Variants in ZNF487 observed in about 807,000 individuals in gnomAD.
ZNF487 encodes the protein zinc finger protein 487, also known as KRAB domain only 1.
A neutral mutation model predicts 3.0 loss-of-function variants in ZNF487; 4 were observed. That is an observed-to-expected ratio of 1.35 (90% CI 0.66 to 3.08). The LOEUF is 3.08. ZNF487 is among the 30% of genes most tolerant of loss of function. The pLI, the probability that ZNF487 is intolerant of heterozygous loss-of-function variation, is 0.01. For missense variants in ZNF487, 146 were observed against 98.7 expected, an observed-to-expected ratio of 1.48 and a Z score of -2.03; for synonymous variants, 55 against 34.6, an observed-to-expected ratio of 1.59 and a Z score of -2.06.
intron 3 of ZNF487, among the ~76,000 whole-genome samples, chr10:43,480,367 A>G (rs1188963415): frequency 1.3e-5 from 2 of 150,062 alleles, no homozygotes; most frequent in Non-Finnish European, 3.0e-5. Context: ...CAGCCTCCCA[A>G]AGTGCTGGGA....
At chr10:43,480,682 C>T (rs1391713017) in intron 3 of ZNF487, among the ~76,000 whole-genome samples, 2 of 150,984 alleles carry the variant, frequency 1.3e-5, no homozygotes, top group Non-Finnish European at 2.9e-5. Context: ...TTCCAAAGTG[C>T]TGGGATTACA....
At chr10:43,477,988 A>G (rs2132142903) in intron 3 of ZNF487, among the ~76,000 whole-genome samples, 1 of 152,182 alleles carries the variant, frequency 6.6e-6, no homozygotes, top group African/African-American at 2.4e-5. Context: ...GGGGAAAGGC[A>G]GGTAAAAATT....
At chr10:43,513,704 A>C in the ZNF487 span, among the ~76,000 whole-genome samples, 2 of 152,196 alleles carry the variant, frequency 1.3e-5, no homozygotes, top group Admixed American at 1.3e-4. Context: ...GCTGCTAAGT[A>C]TGTCTATGCC....
chr10:43,453,547 G>A (rs542712835), intron 1 of ZNF487: 1 of 152,142 alleles, frequency 6.6e-6, no homozygotes, highest in Non-Finnish European at 1.5e-5. Flanking sequence ...ATGGAGTTAT[G>A]GGGGGAGAGT....
downstream of ZNF487, among the ~76,000 whole-genome samples, chr10:43,484,404 C>T (rs894820653): frequency 2.0e-5 from 3 of 151,564 alleles, no homozygotes; most frequent in African/African-American, 7.3e-5. Context: ...GTCAGGAGTT[C>T]GAGACCAGCC....
chr10:43,479,588 A>G (rs1410293237), intron 3 of ZNF487, among the ~76,000 whole-genome samples: 4 of 152,286 alleles, frequency 2.6e-5, no homozygotes, highest in East Asian at 1.9e-4. Flanking sequence ...ACAAAAATAT[A>G]AAAGAAGCCT....
At chr10:43,442,576 T>A (rs1292243743) in intron 1 of ZNF487, among the ~76,000 whole-genome samples, 1 of 152,144 alleles carries the variant, frequency 6.6e-6, no homozygotes, top group East Asian at 1.9e-4. Context: ...CCTGAGTAGC[T>A]GGGACTACAG....
chr10:43,495,578 C>T, the ZNF487 span, among the ~76,000 whole-genome samples: 3 of 152,084 alleles, frequency 2.0e-5, no homozygotes, highest in African/African-American at 4.8e-5. Flanking sequence ...GGACTCAATG[C>T]GTTAATTTCT....
In ZNF487 at chr10:43,468,902, T is replaced by C. The variant is rs547610054; in HGVS notation, c.-93-6819T>C. Among the ~76,000 whole-genome samples, 55 of 135,952 alleles carry C rather than the reference T, an allele frequency of 4.0e-4. No homozygotes were observed. In the East Asian group the frequency reaches 0.012, roughly 29 times the overall value. 89.2% of individuals were successfully genotyped at this position (135,952 alleles called of 152,430 possible). ...TACTCGGGAGGCTGAGGCAGGAGAA[T>C]GGTGTGAACCCAGGAGGCAGCGCTT... On this transcript the variant is annotated intron_variant, in intron 1 of 3. Transcript: ENST00000437590.
intron 3 of ZNF487, among the ~76,000 whole-genome samples, chr10:43,477,737 A>G (rs1841154671): frequency 6.6e-6 from 1 of 151,726 alleles, no homozygotes; most frequent in Admixed American, 6.6e-5. Flanking sequence ...TGGTCACCTG[A>G]GGTCAGGAGT....
intron 3 of ZNF487, among the ~76,000 whole-genome samples, chr10:43,480,671 C>T (rs1841319027): frequency 1.3e-5 from 2 of 151,546 alleles, no homozygotes; most frequent in South Asian, 2.1e-4. Context: ...CTTCCTTGGC[C>T]TTCCAAAGTG....
At chr10:43,449,643 T>G (rs1839937045) in intron 1 of ZNF487, among the ~76,000 whole-genome samples, 1 of 152,128 alleles carries the variant, frequency 6.6e-6, no homozygotes, top group South Asian at 2.1e-4. Context: ...TTTATATTGT[T>G]GTAATGTTCC....
At chr10:43,446,361 G>A (rs1179549962) in intron 1 of ZNF487, among the ~76,000 whole-genome samples, 5 of 151,006 alleles carry the variant, frequency 3.3e-5, no homozygotes, top group Admixed American at 1.3e-4. Flanking sequence ...CTTCCCAGAC[G>A]GTGCGGCTGC....
the ZNF487 span, among the ~76,000 whole-genome samples, chr10:43,505,619 A>C: frequency 6.6e-6 from 1 of 151,688 alleles, no homozygotes; most frequent in Non-Finnish European, 1.5e-5. Context: ...GCTCATCAAC[A>C]TTGTCTTATA....
chr10:43,516,291 A>G, the ZNF487 span, among the ~76,000 whole-genome samples: 302 of 152,286 alleles, frequency 2.0e-3, no homozygotes, highest in Non-Finnish European at 3.3e-3. Context: ...AGTGTTTTTC[A>G]TACTATTAGA....
the ZNF487 span, among the ~76,000 whole-genome samples, chr10:43,488,638 C>T: frequency 2.0e-5 from 3 of 152,140 alleles, no homozygotes; most frequent in South Asian, 2.1e-4. Context: ...GAGACTACAT[C>T]GAGGATTATA....
chr10:43,446,567 G>C (rs569655286), intron 1 of ZNF487, among the ~76,000 whole-genome samples: 2 of 151,068 alleles, frequency 1.3e-5, no homozygotes, highest in East Asian at 2.0e-4. Context: ...CGGGGCGGCC[G>C]GGCAGAGGCG....
At chr10:43,496,957 T>A in the ZNF487 span, among the ~76,000 whole-genome samples, 1 of 152,206 alleles carries the variant, frequency 6.6e-6, no homozygotes, top group Non-Finnish European at 1.5e-5. Flanking sequence ...CCTAGAATAA[T>A]CGGTCTGTTT....
intron 1 of ZNF487, among the ~76,000 whole-genome samples, chr10:43,441,034 A>AT (rs763451709): frequency 0.17 from 7,596 of 43,560 alleles, 1,854 homozygotes; most frequent in Non-Finnish European, 0.2. Context: ...ACCTGGTTAA[A>AT]TTTTTTTTTT....
Sources: gnomAD v4.1 joint callset for allele counts (sites outside exome capture counted in the v4.1 genomes callset) on GRCh38, gnomAD v4.1.1 for gene constraint, MANE v1.5 for transcripts, NCBI Gene and HGNC (gene_info 2026-07-23, HGNC 2026-07-21) for gene names.